TRMT9B: variants seen among roughly 807,000 people sequenced by gnomAD.
TRMT9B encodes probable tRNA methyltransferase 9B.
A neutral mutation model predicts 11.5 loss-of-function variants in TRMT9B; 16 were observed. The observed-to-expected ratio is 1.39, with a 90% CI of 0.94 to 2.11. TRMT9B has a LOEUF of 2.11. TRMT9B is among the 30% of genes most tolerant of loss of function. The pLI, the probability that TRMT9B is intolerant of heterozygous loss-of-function variation, is 0.00. For missense variants in TRMT9B, 941 were observed against 553.8 expected (o/e 1.70, Z -7.02); for synonymous variants, 274 against 192.4 (o/e 1.42, Z -3.51).
At chr8:12,953,939 T>C (rs1563303109) in intron 1 of TRMT9B, among the ~76,000 whole-genome samples, 2 of 152,254 alleles carry the variant, frequency 1.3e-5, no homozygotes, top group African/African-American at 4.8e-5. Flanking sequence ...ACACTCTTTT[T>C]CTAACTCCAA....
At chr8:12,976,053 A>T (rs897007821) in intron 1 of TRMT9B, among the ~76,000 whole-genome samples, 2 of 152,226 alleles carry the variant, frequency 1.3e-5, no homozygotes, top group East Asian at 3.8e-4. Context: ...TATGAAGGAC[A>T]TAGAAAGCCA....
intron 1 of TRMT9B, among the ~76,000 whole-genome samples, chr8:12,980,509 C>A (rs1470813442): frequency 6.6e-6 from 1 of 152,142 alleles, no homozygotes; most frequent in African/African-American, 2.4e-5. Context: ...AAGCTCCCTG[C>A]TCCCGTGTCT....
At chr8:13,005,043 G>C (rs535111383) in intron 2 of TRMT9B, among the ~76,000 whole-genome samples, 1 of 149,516 alleles carries the variant, frequency 6.7e-6, no homozygotes, top group Admixed American at 6.7e-5. Context: ...CCGAGATCAT[G>C]CCACTGCACT....
intron 1 of TRMT9B, among the ~76,000 whole-genome samples, chr8:12,962,722 C>G (rs1353414663): frequency 1.3e-5 from 2 of 152,200 alleles, no homozygotes; most frequent in Non-Finnish European, 2.9e-5. Flanking sequence ...AACTCCTGAG[C>G]TCAAGTGATC....
At chr8:12,989,735 TCA>T (rs1167026286) in intron 1 of TRMT9B, among the ~76,000 whole-genome samples, 1 of 152,212 alleles carries the variant, frequency 6.6e-6, no homozygotes, top group Non-Finnish European at 1.5e-5. Context: ...TCATAGGGAC[TCA>T]GTTAGCAAAC....
chr8:13,027,572 C>T lies in TRMT9B; in HGVS notation c.*5528C>T, dbSNP rs1232961894. On this transcript the variant is annotated 3_prime_UTR_variant, in exon 5 of 5. Coordinates refer to ENST00000524591, the MANE Select transcript of TRMT9B (RefSeq NM_020844.3). ...CAGTCTCATTTCCTGCAGTTGCACCCGATTTTTTCTGTTCTGCAATCTGCT... is the reference window on the plus strand; with the variant it reads ...CAGTCTCATTTCCTGCAGTTGCACCTGATTTTTTCTGTTCTGCAATCTGCT... 1 of 167,026 alleles carries T rather than the reference C, an allele frequency of 6.0e-6. No individual in the cohort carries two copies. Among genetic ancestry groups the T allele is most frequent in the Non-Finnish European group, 1.5e-5 (1 of 68,114 alleles). 10.3% of individuals were successfully genotyped at this position (167,026 alleles called of 1,614,324 possible).
chr8:13,015,041 AGAGT>A (rs1812364857), intron 4 of TRMT9B, among the ~76,000 whole-genome samples: 1 of 151,732 alleles, frequency 6.6e-6, no homozygotes, highest in Non-Finnish European at 1.5e-5. Context: ...CCTAAGCAAC[AGAGT>A]GAGACTCCAT....
chr8:13,003,640 A>G (rs1035229387), intron 2 of TRMT9B, among the ~76,000 whole-genome samples: 15 of 151,732 alleles, frequency 9.9e-5, no homozygotes, highest in Non-Finnish European at 2.1e-4. Flanking sequence ...AAAGAGCCTT[A>G]TGTGCCCGCC....
chr8:12,971,965 G>T (rs1489515983), intron 1 of TRMT9B, among the ~76,000 whole-genome samples: 1 of 152,108 alleles, frequency 6.6e-6, no homozygotes, highest in Non-Finnish European at 1.5e-5. Flanking sequence ...GGAGAGACAA[G>T]CCATAAATAA....
Position 13,023,331 on chromosome 8 carries a change from G to A in TRMT9B, c.*1287G>A, listed in dbSNP as rs902120121. On this transcript the variant is annotated 3_prime_UTR_variant, in exon 5 of 5. Coordinates refer to ENST00000524591, the MANE Select transcript of TRMT9B (RefSeq NM_020844.3). ...TACAGCATAGTTAGCCTTGGTAGAG[G>A]TATGACTTGGATTTGCTGTATCCTT... 3 of 167,070 alleles carry A rather than the reference G, an allele frequency of 1.8e-5. No homozygotes were observed. The allele number at this position is 167,070 out of a possible 1,614,324, so 10.3% of individuals were successfully genotyped here. A position where few individuals can be genotyped will look rare whatever the true frequency, so the allele number is the denominator to read the frequency against.
chr8:12,997,790 C>G (rs1189110623), intron 2 of TRMT9B, among the ~76,000 whole-genome samples: 1 of 152,122 alleles, frequency 6.6e-6, no homozygotes, highest in African/African-American at 2.4e-5. Context: ...GGGCCATAGG[C>G]TATGCATATG....
At chr8:12,958,262 T>G (rs1343698693) in intron 1 of TRMT9B, 1 of 152,216 alleles carries the variant, frequency 6.6e-6, no homozygotes. Context: ...CCTCCACCTT[T>G]TGCCTGTTGT....
At chr8:12,987,718 C>A (rs986586730) in intron 1 of TRMT9B, among the ~76,000 whole-genome samples, 1 of 151,984 alleles carries the variant, frequency 6.6e-6, no homozygotes, top group Admixed American at 6.6e-5. Flanking sequence ...TTTAATACAA[C>A]TAACCTACAG....
At chr8:12,964,318 A>G (rs1802531968) in intron 1 of TRMT9B, among the ~76,000 whole-genome samples, 1 of 152,224 alleles carries the variant, frequency 6.6e-6, no homozygotes, top group Non-Finnish European at 1.5e-5. Flanking sequence ...ATAGTTGTGT[A>G]TTTTACAAAA....
At chr8:12,992,558 A>G (rs969613971) in intron 2 of TRMT9B, among the ~76,000 whole-genome samples, 2 of 151,906 alleles carry the variant, frequency 1.3e-5, no homozygotes, top group Non-Finnish European at 2.9e-5. Flanking sequence ...ACTTCATTTA[A>G]ACAGCATCAT....
chr8:12,972,784 G>A (rs1803839806), intron 1 of TRMT9B, among the ~76,000 whole-genome samples: 1 of 152,190 alleles, frequency 6.6e-6, no homozygotes, highest in African/African-American at 2.4e-5. Flanking sequence ...ACCTCAGCAG[G>A]ACTTGCAGAA....
chr8:12,948,607 G>A (rs1800381157), intron 1 of TRMT9B, among the ~76,000 whole-genome samples: 1 of 150,420 alleles, frequency 6.6e-6, no homozygotes, highest in Non-Finnish European at 1.5e-5. Context: ...ATAATAAAAT[G>A]TAATGATAAA....
rs1814907405 is a variant in TRMT9B, at chr8:13,028,060, C to G, written c.*6016C>G. 6.0e-6 allele frequency: 1 copy of G among 166,996 alleles called. No homozygotes were observed. Among genetic ancestry groups the G allele is most frequent in the African/African-American group, 2.4e-5 (1 of 41,434 alleles). The allele number at this position is 166,996 out of a possible 1,614,324, so 10.3% of individuals were successfully genotyped here. ...CAATCAGAAACTGAAGAGAGTTGAT[C>G]AAAGAGAAGATTCTAGCTGAATTGT... On this transcript the variant is annotated 3_prime_UTR_variant, in exon 5 of 5. Transcript: ENST00000524591.
At chr8:13,009,944 T>C (rs563124496) in intron 3 of TRMT9B, among the ~76,000 whole-genome samples, 76 of 152,082 alleles carry the variant, frequency 5.0e-4, no homozygotes, top group Non-Finnish European at 6.6e-4. Context: ...CTGGAAAACA[T>C]GGTGAAACCC....
Sources: allele counts gnomAD v4.1 joint callset (sites outside exome capture counted in the v4.1 genomes callset), GRCh38; gene constraint gnomAD v4.1.1; transcripts MANE v1.5; gene names NCBI Gene and HGNC (gene_info 2026-07-23, HGNC 2026-07-21).